GLP1R: variants seen among roughly 807,000 people sequenced by gnomAD.
GLP1R encodes the protein glucagon-like peptide 1 receptor.
Under a neutral mutation model 68.4 loss-of-function variants are expected in GLP1R, and 32 were observed. That is an observed-to-expected ratio of 0.47 (90% CI 0.35 to 0.63). The LOEUF is 0.63. GLP1R is among the 20% of genes least tolerant of loss of function. The probability of loss-of-function intolerance (pLI) is 0.00; values close to 1 mark genes in which losing one functional copy is unlikely to be tolerated. For missense variants in GLP1R, 502 were observed against 594.9 expected (o/e 0.84, Z 1.62); for synonymous variants, 263 against 244.4 (o/e 1.08, Z -0.71).
intron 5 of GLP1R, among the ~76,000 whole-genome samples, chr6:39,068,664 G>A (rs1251178348): frequency 3.3e-5 from 5 of 152,200 alleles, no homozygotes; most frequent in East Asian, 1.9e-4. Flanking sequence ...CAGAGGGACG[G>A]CCTGAGTTAT....
intron 12 of GLP1R, among the ~76,000 whole-genome samples, chr6:39,082,393 C>T (rs556097748): frequency 2.0e-5 from 3 of 152,152 alleles, no homozygotes; most frequent in African/African-American, 7.2e-5. Flanking sequence ...TGGGCTGTGG[C>T]GGGGGCAAGA....
At position 39,088,835 on chromosome 6, in the gene GLP1R, C is replaced by T. The variant is rs1769212667; in HGVS notation, c.*2762C>T. ...GAGCAGAGAAAGACCTTGGTGATCC[C>T]CCCTGGCCCGATCTATAGGATTGAG... On this transcript the variant is annotated 3_prime_UTR_variant, in exon 13 of 13. Transcript: ENST00000373256. 6.6e-6 allele frequency among the ~76,000 whole-genome samples: 1 copy of T among 152,096 alleles called. No homozygotes were observed. Among genetic ancestry groups the T allele is most frequent in the Non-Finnish European group, 1.5e-5 (1 of 68,014 alleles).
chr6:39,050,234 G>A (rs992908542), intron 1 of GLP1R, among the ~76,000 whole-genome samples: 12 of 152,158 alleles, frequency 7.9e-5, no homozygotes, highest in African/African-American at 2.7e-4. Context: ...TGGTGCGGCT[G>A]GGATCTTTCA....
chr6:39,057,742 C>G (rs994681474), intron 3 of GLP1R, among the ~76,000 whole-genome samples, 163 bp downstream of exon 3: 106 of 142,828 alleles, frequency 7.4e-4, no homozygotes, highest in African/African-American at 2.3e-3. Flanking sequence ...GGTACCTGCC[C>G]TGGGCCAGCA....
chr6:39,081,798 C>T (rs1001967308), intron 12 of GLP1R, among the ~76,000 whole-genome samples: 10 of 152,210 alleles, frequency 6.6e-5, no homozygotes, highest in African/African-American at 9.6e-5. Context: ...ACTTAATGAG[C>T]TGTGTGACTT....
chr6:39,057,427 G>A, intron 2 of GLP1R, 45 bp from the exon 3 acceptor site: 1 of 1,253,250 alleles, frequency 8.0e-7, no homozygotes, highest in Non-Finnish European at 1.2e-6. Context: ...AAGGGCCATG[G>A]CCAGTCACAA....
Position 39,056,413 on chromosome 6 carries a change from T to C in GLP1R, c.95T>C (p.Leu32Pro), listed in dbSNP as rs1234543862. 1 of 1,601,506 alleles carries C rather than the reference T, an allele frequency of 6.2e-7. No homozygotes were observed. Among genetic ancestry groups the C allele is most frequent in the Non-Finnish European group, 8.6e-7 (1 of 1,168,634 alleles). ...GPRPQGATVS[L>P]WETVQKWREY... ...TCCCCCCAGGGTGCCACTGTGTCCC[T>C]CTGGGAGACGGTGCAGAAATGGCGA... Residue 32 changes from leucine to proline, a missense_variant, in exon 2 of 13, where the codon CTC (leucine) becomes CCC (proline). Leu to Pro is a moderately conservative substitution (Grantham distance 98). Coordinates refer to ENST00000373256, the MANE Select transcript of GLP1R (RefSeq NM_002062.5).
chr6:39,069,992 C>T (rs1365186037), intron 5 of GLP1R, among the ~76,000 whole-genome samples: 1 of 152,208 alleles, frequency 6.6e-6, no homozygotes, highest in African/African-American at 2.4e-5. Context: ...GGTGTCTTCT[C>T]ACTGTGTCCT....
At chr6:39,078,262 T>C in intron 7 of GLP1R, 60 bp from the exon 8 acceptor site, 1 of 1,227,448 alleles carries the variant, frequency 8.1e-7, no homozygotes, top group South Asian at 1.2e-5. Context: ...GGCCTCGGCA[T>C]GTAGACTGTG....
intron 11 of GLP1R, among the ~76,000 whole-genome samples, chr6:39,080,284 C>A (rs9366994): frequency 2.6e-4 from 39 of 152,194 alleles, no homozygotes; most frequent in African/African-American, 8.4e-4. Flanking sequence ...AATTCTGGAG[C>A]CCTGGGTCTC....
chr6:39,055,427 C>A (rs1286230966), intron 1 of GLP1R, among the ~76,000 whole-genome samples: 1 of 152,118 alleles, frequency 6.6e-6, no homozygotes, highest in Non-Finnish European at 1.5e-5. Context: ...ACGACAACCC[C>A]AAGACATAGC....
chr6:39,071,324 C>T (rs1412247723), intron 5 of GLP1R, among the ~76,000 whole-genome samples: 10 of 117,726 alleles, frequency 8.5e-5, no homozygotes, highest in East Asian at 5.0e-4. Context: ...CCAGCTTGGG[C>T]GACAGAGCAA....
rs555873376 is a variant in GLP1R, at chr6:39,054,314, C to T, written c.79-2083C>T. On this transcript the variant is annotated intron_variant, in intron 1 of 12. Coordinates refer to ENST00000373256, the MANE Select transcript of GLP1R (RefSeq NM_002062.5). ...CTGTAAATACGAGGCGTGGGAGAGGCCAGAAGTCTGGGTAGTTTGCACTGT... is the reference window on the plus strand; with the variant it reads ...CTGTAAATACGAGGCGTGGGAGAGGTCAGAAGTCTGGGTAGTTTGCACTGT... 8.6e-5 allele frequency among the ~76,000 whole-genome samples: 13 copies of T among 152,028 alleles called. 1 individual carries two copies. The highest frequency in any genetic ancestry group is 2.4e-4 in the African/African-American group (10 of 41,448).
intron 3 of GLP1R, among the ~76,000 whole-genome samples, chr6:39,058,451 T>C (rs543384914): frequency 7.9e-5 from 12 of 152,026 alleles, no homozygotes; most frequent in Admixed American, 3.3e-4. Context: ...GGTCATTTCA[T>C]TGGGGGTACA....
rs114651053 is a variant in GLP1R at position 39,081,104 on chromosome 6, T to A, written c.1224+365T>A. On this transcript the variant is annotated intron_variant, in intron 12 of 12. Coordinates refer to ENST00000373256, the MANE Select transcript of GLP1R (RefSeq NM_002062.5). Reference sequence around the variant, plus strand: ...AGCCACATGCTTGGGGCTTTAATAATCACTATCTCATTTAATTATGACCCC... The same window carrying A: ...AGCCACATGCTTGGGGCTTTAATAAACACTATCTCATTTAATTATGACCCC... 1.3e-3 allele frequency among the ~76,000 whole-genome samples: 200 copies of A among 151,752 alleles called. 1 individual carries two copies. The highest frequency in any genetic ancestry group is 4.4e-3 in the African/African-American group (183 of 41,330).
At chr6:39,058,642 TATCATCATCATCATC>T (rs112102888) in intron 3 of GLP1R, among the ~76,000 whole-genome samples, 1,652 of 149,992 alleles carry the variant, frequency 0.011, 33 homozygotes, top group African/African-American at 0.038. Flanking sequence ...GATATTTCCC[TATCATCATCATCATC>T]ATCATCATCA....
rs773786089 is a variant in GLP1R at position 39,078,351 on chromosome 6, G to A, written c.853G>A (p.Gly285Ser). 2 of 1,613,160 alleles carry A rather than the reference G, an allele frequency of 1.2e-6. No homozygotes were observed. Among genetic ancestry groups the A allele is most frequent in the Middle Eastern group, 1.7e-4 (1 of 6,058 alleles). The change falls in exon 8 of 13, where the codon GGC becomes AGC. Residue 285 changes from glycine (G) to serine (S), a missense_variant. Gly to Ser is a moderately conservative substitution (Grantham distance 56). Coordinates refer to ENST00000373256, the MANE Select transcript of GLP1R (RefSeq NM_002062.5). ...TCCCCTGCTGTTTGTTGTCCCCTGG[G>A]GCATTGTCAAGTACCTCTATGAGGA... The part of the protein sequence containing the change: ...GVPLLFVVPW[G>S]IVKYLYEDEG...
chr6:39,080,769 C>G, intron 12 of GLP1R, 30 bp downstream of exon 12: 2 of 1,500,320 alleles, frequency 1.3e-6, no homozygotes, highest in Non-Finnish European at 1.8e-6. Context: ...GGTGGGGACC[C>G]TGGTGGGTGG....
At chr6:39,073,916 C>T (rs2150832746) in intron 7 of GLP1R, 147 bp downstream of exon 7, 1 of 677,340 alleles carries the variant, frequency 1.5e-6, no homozygotes, top group Non-Finnish European at 2.5e-6. Flanking sequence ...ACCTTCTGCC[C>T]CGGTGCTGTT....
Sources: gnomAD v4.1 joint callset for allele counts (sites outside exome capture counted in the v4.1 genomes callset) on GRCh38, gnomAD v4.1.1 for gene constraint, MANE v1.5 for transcripts, NCBI Gene and HGNC (gene_info 2026-07-23, HGNC 2026-07-21) for gene names.